Variants in SUCLA2 observed in about 807,000 individuals in gnomAD.
SUCLA2 encodes the protein succinate--CoA ligase [ADP-forming] subunit beta, mitochondrial.
SUCLA2 carries 30 observed loss-of-function variants against 54.8 expected under a neutral mutation model. That is an observed-to-expected ratio of 0.55 (90% CI 0.41 to 0.74). The LOEUF (loss-of-function observed/expected upper bound fraction) is 0.74, where lower values mean the gene tolerates loss of function less well. Among genes scored for constraint, SUCLA2 ranks in the 30% least tolerant of loss-of-function variants. SUCLA2 has a pLI of 0.00. For missense variants in SUCLA2, 476 were observed against 562.9 expected (o/e 0.85, Z 1.56); for synonymous variants, 172 against 188.9 (o/e 0.91, Z 0.74).
intron 4 of SUCLA2, among the ~76,000 whole-genome samples, chr13:47,977,797 T>G (rs976447499): frequency 6.6e-6 from 1 of 152,134 alleles, no homozygotes; most frequent in South Asian, 2.1e-4. Context: ...AGAAAACTCA[T>G]AGCCAACATC....
chr13:47,973,141 A>C, intron 5 of SUCLA2, 123 bp downstream of exon 5: 1 of 827,926 alleles, frequency 1.2e-6, no homozygotes. Context: ...CAAACAAGTT[A>C]TTAACTTTCC....
intron 8 of SUCLA2, among the ~76,000 whole-genome samples, chr13:47,953,396 A>G (rs561110768): frequency 6.6e-6 from 1 of 152,330 alleles, no homozygotes; most frequent in East Asian, 1.9e-4. Flanking sequence ...ATAGAAATAT[A>G]GTTCTAATAA....
rs1949938326 is a variant in SUCLA2, at chr13:47,968,718, CCATCTTCTGTG to C, written c.668_678del (p.Ala223GlyfsTer5). The C allele has an allele frequency of 6.2e-7, 1 of 1,612,224 alleles. No individual in the cohort carries two copies. The highest frequency in any genetic ancestry group is 1.7e-5 in the Admixed American group (1 of 59,980). On this transcript the variant is annotated frameshift_variant, in exon 6 of 11. Coordinates refer to ENST00000646932, the MANE Select transcript of SUCLA2 (RefSeq NM_003850.3). LOFTEE classifies it high-confidence loss of function. ...GATTCCACAATATTAGGTGGAAATC[CCATCTTCTGTG>C]CAAGCTGAAATCAATATGTCTTTTT...
chr13:47,983,489 CTTTTTTT>C (rs10548877), intron 4 of SUCLA2, among the ~76,000 whole-genome samples: 6 of 132,506 alleles, frequency 4.5e-5, no homozygotes, highest in South Asian at 2.3e-4. Flanking sequence ...TTTCTTTTCC[CTTTTTTT>C]TTTTTTTTTT....
At chr13:47,958,943 A>C (rs188940023) in intron 6 of SUCLA2, among the ~76,000 whole-genome samples, 1 of 152,284 alleles carries the variant, frequency 6.6e-6, no homozygotes, top group Admixed American at 6.5e-5. Context: ...TGTAATTTAA[A>C]ATTTTGAAAT....
chr13:47,992,708 T>C (rs1950159378), intron 2 of SUCLA2, among the ~76,000 whole-genome samples: 1 of 152,178 alleles, frequency 6.6e-6, no homozygotes. Context: ...CTTTAGTCAC[T>C]CACAAACATT....
chr13:47,951,195 A>G (rs1437535510), intron 8 of SUCLA2, among the ~76,000 whole-genome samples: 9 of 152,132 alleles, frequency 5.9e-5, no homozygotes, highest in Non-Finnish European at 8.8e-5. Context: ...TGTCTCTAGA[A>G]TATTAAATGT....
At chr13:48,000,808 CT>C in intron 1 of SUCLA2, 2 of 1,062,796 alleles carry the variant, frequency 1.9e-6, no homozygotes, top group Non-Finnish European at 2.3e-6. Flanking sequence ...GCATTCCCCC[CT>C]GCCCAAAAAG....
intron 4 of SUCLA2, among the ~76,000 whole-genome samples, chr13:47,981,509 G>T (rs1241024228): frequency 5.3e-5 from 8 of 152,182 alleles, no homozygotes; most frequent in African/African-American, 1.9e-4. Context: ...TCTGCTGTTA[G>T]TTGGAATATA....
chr13:47,992,355 C>T (rs1442932077), intron 2 of SUCLA2, among the ~76,000 whole-genome samples: 1 of 79,752 alleles, frequency 1.3e-5, no homozygotes, highest in African/African-American at 3.9e-5. Flanking sequence ...TCGAAAGTTC[C>T]TTCTAAAAAA....
At chr13:47,964,724 G>A (rs1278380242) in intron 6 of SUCLA2, among the ~76,000 whole-genome samples, 2 of 152,122 alleles carry the variant, frequency 1.3e-5, no homozygotes, top group African/African-American at 2.4e-5. Flanking sequence ...GGGCGTGGTG[G>A]CGGGCACCTG....
intron 5 of SUCLA2, chr13:47,971,999 T>G (rs1949970362): frequency 1.3e-5 from 5 of 394,630 alleles, no homozygotes; most frequent in East Asian, 7.2e-5. Flanking sequence ...GCCTGTAATC[T>G]TAGCACTTCA....
At chr13:47,944,603 C>T (rs139436297) in intron 10 of SUCLA2, among the ~76,000 whole-genome samples, 1 of 152,162 alleles carries the variant, frequency 6.6e-6, no homozygotes, top group Non-Finnish European at 1.5e-5. Context: ...ACTATCTCTC[C>T]CCTTTTCCCT....
rs184521378 is a variant in SUCLA2 at position 47,971,911 on chromosome 13, A to T, written c.663+1353T>A. On this transcript the variant is annotated intron_variant, in intron 5 of 10. Coordinates refer to ENST00000646932, the MANE Select transcript of SUCLA2 (RefSeq NM_003850.3). ...GAAAGAAAAAAGATGACAGCAAAAA[A>T]GAGAAACCTGTAAGTTATAAAAGAC... 40 of 398,628 alleles carry T rather than the reference A, an allele frequency of 1.0e-4. No individual in the cohort carries two copies. In the East Asian group the frequency reaches 1.2e-3, roughly 12 times the overall value. 24.7% of individuals were successfully genotyped at this position (398,628 alleles called of 1,614,324 possible).
chr13:47,995,130 G>A (rs1051058103), intron 2 of SUCLA2, among the ~76,000 whole-genome samples: 1 of 152,176 alleles, frequency 6.6e-6, no homozygotes, highest in African/African-American at 2.4e-5. Context: ...CTAAGTAGGA[G>A]GATCACTTGA....
intron 4 of SUCLA2, among the ~76,000 whole-genome samples, chr13:47,986,326 C>T (rs1950104357): frequency 6.6e-6 from 1 of 152,174 alleles, no homozygotes; most frequent in African/African-American, 2.4e-5. Context: ...CCACCACACC[C>T]AGCCTGTGTC....
chr13:47,992,725 A>C (rs184604886), intron 2 of SUCLA2, among the ~76,000 whole-genome samples: 1 of 152,342 alleles, frequency 6.6e-6, no homozygotes, highest in Non-Finnish European at 1.5e-5. Flanking sequence ...CATTTTAAGC[A>C]TTCCTTGTAT....
At chr13:47,955,610 C>T (rs1039769283) in intron 6 of SUCLA2, among the ~76,000 whole-genome samples, 1 of 152,116 alleles carries the variant, frequency 6.6e-6, no homozygotes, top group African/African-American at 2.4e-5. Context: ...AAAACAGCAG[C>T]ATCAAAAACT....
intron 8 of SUCLA2, among the ~76,000 whole-genome samples, chr13:47,952,103 A>ACTT (rs1286304498): frequency 2.0e-5 from 3 of 151,520 alleles, no homozygotes; most frequent in African/African-American, 7.3e-5. Flanking sequence ...CATCTCTTCT[A>ACTT]CTATTCTTAC....
Sources: allele counts gnomAD v4.1 joint callset (sites outside exome capture counted in the v4.1 genomes callset), GRCh38; gene constraint gnomAD v4.1.1; transcripts MANE v1.5; gene names NCBI Gene and HGNC (gene_info 2026-07-23, HGNC 2026-07-21).